The following MOBP variants were observed in gnomAD, a reference collection of about 807,000 sequenced individuals.
MOBP encodes the protein myelin-associated oligodendrocyte basic protein.
MOBP carries 5 observed loss-of-function variants against 15.0 expected under a neutral mutation model. The observed-to-expected ratio is 0.33, with a 90% CI of 0.17 to 0.70. The LOEUF (loss-of-function observed/expected upper bound fraction) is 0.70, where lower values mean the gene tolerates loss of function less well. MOBP is among the 30% of genes least tolerant of loss of function. The pLI, the probability that MOBP is intolerant of heterozygous loss-of-function variation, is 0.67. For synonymous variants in MOBP, 88 were observed against 99.0 expected (o/e 0.89, Z 0.66); for missense variants, 188 against 257.8 (o/e 0.73, Z 1.85).
chr3:39,523,084 C>T (rs752651418), intron 3 of MOBP, among the ~76,000 whole-genome samples: 7 of 152,212 alleles, frequency 4.6e-5, no homozygotes, highest in Non-Finnish European at 1.0e-4. Context: ...AGATCTTCCA[C>T]AAGAACCCTT....
chr3:39,501,999 G>A (rs1157773784), intron 2 of MOBP, 67 bp from the exon 3 acceptor site: 3 of 1,377,664 alleles, frequency 2.2e-6, no homozygotes, highest in South Asian at 1.2e-5. Context: ...GGCTTCCAGA[G>A]TAGAGGGCTC....
chr3:39,488,813 C>T (rs1353612425), intron 2 of MOBP, among the ~76,000 whole-genome samples: 5 of 152,196 alleles, frequency 3.3e-5, no homozygotes, highest in Non-Finnish European at 7.4e-5. Context: ...CTAAAATCCA[C>T]CTCCACTGCT....
intron 2 of MOBP, among the ~76,000 whole-genome samples, chr3:39,498,138 A>G (rs1210116587): frequency 6.6e-6 from 1 of 152,222 alleles, no homozygotes; most frequent in Non-Finnish European, 1.5e-5. Flanking sequence ...CTGTATTTCC[A>G]AGGAATTTAC....
chr3:39,471,705 G>A (rs555845663), intron 1 of MOBP, among the ~76,000 whole-genome samples: 4 of 152,266 alleles, frequency 2.6e-5, no homozygotes, highest in African/African-American at 9.6e-5. Context: ...ATGCCGGCAT[G>A]CCCCTCCTGC....
At chr3:39,482,830 T>C (rs2042648044) in intron 2 of MOBP, among the ~76,000 whole-genome samples, 1 of 152,062 alleles carries the variant, frequency 6.6e-6, no homozygotes, top group African/African-American at 2.4e-5. Flanking sequence ...TTATATACAT[T>C]GTTACAGCCG....
chr3:39,513,281 A>G (rs1042496809), intron 4 of MOBP: 2 of 964,084 alleles, frequency 2.1e-6, no homozygotes, highest in African/African-American at 3.3e-5. Flanking sequence ...CCTCAAAGGT[A>G]GTCTCAAAAT....
downstream of MOBP, among the ~76,000 whole-genome samples, chr3:39,504,944 GA>G (rs1425642266): frequency 6.6e-6 from 1 of 152,248 alleles, no homozygotes; most frequent in Non-Finnish European, 1.5e-5. Flanking sequence ...GGCCTAATTG[GA>G]TTCTTAATAA....
intron 2 of MOBP, among the ~76,000 whole-genome samples, chr3:39,489,876 T>G (rs2042770561): frequency 6.6e-6 from 1 of 152,244 alleles, no homozygotes; most frequent in Non-Finnish European, 1.5e-5. Context: ...TGCTTTCAGT[T>G]GCTATTAGAG....
At chr3:39,476,483 A>G (rs1481572391) in intron 1 of MOBP, among the ~76,000 whole-genome samples, 1 of 152,178 alleles carries the variant, frequency 6.6e-6, no homozygotes, top group Non-Finnish European at 1.5e-5. Context: ...GTTTCATTCT[A>G]GCCTTCTTCC....
At chr3:39,496,539 C>T (rs2042886071) in intron 2 of MOBP, among the ~76,000 whole-genome samples, 1 of 151,362 alleles carries the variant, frequency 6.6e-6, no homozygotes, top group Non-Finnish European at 1.5e-5. Context: ...CGCTGTGTTG[C>T]CCAGGCTGGA....
chr3:39,476,497 C>T (rs1198697340), intron 1 of MOBP, among the ~76,000 whole-genome samples: 1 of 152,170 alleles, frequency 6.6e-6, no homozygotes, highest in Non-Finnish European at 1.5e-5. Context: ...TTCTTCCTTT[C>T]CTTTTTTGTG....
intron 2 of MOBP, among the ~76,000 whole-genome samples, chr3:39,492,930 C>T (rs1270959745): frequency 1.3e-5 from 2 of 152,182 alleles, no homozygotes; most frequent in African/African-American, 2.4e-5. Flanking sequence ...AAATATTGAC[C>T]TGCATCTACC....
At chr3:39,476,449 T>C (rs2042547116) in intron 1 of MOBP, among the ~76,000 whole-genome samples, 1 of 152,222 alleles carries the variant, frequency 6.6e-6, no homozygotes, top group Non-Finnish European at 1.5e-5. Context: ...TTTCTGTATT[T>C]CTGACTCCAA....
At chr3:39,503,099 C>T (rs889985155), downstream of MOBP, 1 of 485,102 alleles carries the variant, frequency 2.1e-6, no homozygotes, top group Non-Finnish European at 3.6e-6. Flanking sequence ...GCCATTGCTT[C>T]CGTTGTCTAA....
chr3:39,492,509 T>C (rs76137256), intron 2 of MOBP, among the ~76,000 whole-genome samples: 392 of 152,346 alleles, frequency 2.6e-3, no homozygotes, highest in African/African-American at 8.7e-3. Context: ...TCCACTTTCT[T>C]TCTCAGCCAA....
At chr3:39,469,082 G>A (rs28764178) in intron 1 of MOBP, among the ~76,000 whole-genome samples, 4,083 of 35,884 alleles carry the variant, frequency 0.11, 1,126 homozygotes, top group African/African-American at 0.19. Context: ...ATGTGTGTGT[G>A]TATATACATA....
rs1559412045 is a variant in MOBP, at chr3:39,469,082, GTATATACATATATACATATGTGTGTGTA to G, written c.-89+1375_-89+1402del. Among the ~76,000 whole-genome samples the G allele has an allele frequency of 5.7e-4, 21 of 36,814 alleles. 2 individuals carry two copies. The highest frequency in any genetic ancestry group is 2.3e-3 in the East Asian group (6 of 2,662). The allele number at this position is 36,814 out of a possible 152,430, so 24.2% of individuals were successfully genotyped here. A position where few individuals can be genotyped will look rare whatever the true frequency, so the allele number is the denominator to read the frequency against. ...TATACATATATACATATGTGTGTGT[GTATATACATATATACATATGTGTGTGTA>G]TATATACATATATACATATGTGTGT... is the stretch of plus-strand genomic sequence containing the variant. On this transcript the variant is annotated intron_variant, in intron 1 of 3. Transcript: ENST00000684792.
chr3:39,475,573 C>T (rs1453085018), intron 1 of MOBP, among the ~76,000 whole-genome samples: 1 of 152,158 alleles, frequency 6.6e-6, no homozygotes, highest in Non-Finnish European at 1.5e-5. Flanking sequence ...GGAAGATTAT[C>T]TCTTCTACTC....
chr3:39,469,028 A>G lies in MOBP; in HGVS notation c.-89+1288A>G, dbSNP rs552126893. On this transcript the variant is annotated intron_variant, in intron 1 of 3. Coordinates refer to ENST00000684792, the MANE Select transcript of MOBP (RefSeq NM_001393704.1). ...TATACATATATACATATGTGTGTAT[A>G]TATATACATATATACATATGTGTGT... 1.4e-3 allele frequency among the ~76,000 whole-genome samples: 74 copies of G among 53,932 alleles called. 4 individuals are homozygous for G. The highest frequency in any genetic ancestry group is 2.4e-3 in the African/African-American group (13 of 5,438). 35.4% of individuals were successfully genotyped at this position (53,932 alleles called of 152,430 possible). A position where few individuals can be genotyped will look rare whatever the true frequency, so the allele number is the denominator to read the frequency against.
Sources: allele counts gnomAD v4.1 joint callset (sites outside exome capture counted in the v4.1 genomes callset), GRCh38; gene constraint gnomAD v4.1.1; transcripts MANE v1.5; gene names NCBI Gene and HGNC (gene_info 2026-07-23, HGNC 2026-07-21).